The following TMOD1 variants were observed in gnomAD, a reference collection of about 807,000 sequenced individuals.
TMOD1 encodes tropomodulin 1, also known as tropomodulin-1.
TMOD1 carries 17 observed loss-of-function variants against 40.6 expected under a neutral mutation model. The observed-to-expected ratio is 0.42, with a 90% CI of 0.29 to 0.63. TMOD1 has a LOEUF of 0.63. Among genes scored for constraint, TMOD1 ranks in the 20% least tolerant of loss-of-function variants. The pLI, the probability that TMOD1 is intolerant of heterozygous loss-of-function variation, is 0.22. For missense variants in TMOD1, 391 were observed against 447.6 expected, an observed-to-expected ratio of 0.87 and a Z score of 1.14; for synonymous variants, 181 against 175.0, an observed-to-expected ratio of 1.03 and a Z score of -0.27.
intron 2 of TMOD1, among the ~76,000 whole-genome samples, chr9:97,534,783 G>C (rs987611087): frequency 8.5e-5 from 13 of 152,218 alleles, no homozygotes; most frequent in Non-Finnish European, 1.8e-4. Flanking sequence ...AGTAAGATGA[G>C]CATTATTCAA....
At chr9:97,572,136 C>T (rs893535252) in intron 8 of TMOD1, among the ~76,000 whole-genome samples, 3 of 152,036 alleles carry the variant, frequency 2.0e-5, no homozygotes, top group Non-Finnish European at 4.4e-5. Flanking sequence ...GAGATAAACC[C>T]GTAGATGCTG....
In TMOD1 at chr9:97,524,146, A is replaced by C; in HGVS notation, c.-43A>C. ...GGTTCTTGTCTTTCTGGTAGGTATT[A>C]CTCAGCACAGAAATTCAGGAGACAC... On this transcript the variant is annotated 5_prime_UTR_variant, in exon 2 of 10. Coordinates refer to ENST00000259365, the MANE Select transcript of TMOD1 (RefSeq NM_003275.4). 6.2e-7 allele frequency: 1 copy of C among 1,605,436 alleles called. No homozygotes were observed. The highest frequency in any genetic ancestry group is 8.5e-7 in the Non-Finnish European group (1 of 1,176,252).
chr9:97,546,125 ACTCTCTCTTT>A, intron 2 of TMOD1, 50 bp from the exon 3 acceptor site: 1 of 1,533,284 alleles, frequency 6.5e-7, no homozygotes, highest in Non-Finnish European at 8.7e-7. Flanking sequence ...GCAGCTGACC[ACTCTCTCTTT>A]CTCTCTCTCT....
At chr9:97,539,005 AAAAAC>A (rs372211723) in intron 2 of TMOD1, among the ~76,000 whole-genome samples, 3,329 of 152,044 alleles carry the variant, frequency 0.022, 52 homozygotes, top group South Asian at 0.035. Context: ...ACTCCATCTC[AAAAAC>A]AAAACAAAAC....
intron 7 of TMOD1, 105 bp downstream of exon 7, chr9:97,566,060 A>G (rs1295610959): frequency 3.1e-6 from 3 of 957,470 alleles, no homozygotes; most frequent in Non-Finnish European, 4.8e-6. Flanking sequence ...AAAGAGCTCT[A>G]TGTGGTACAG....
intron 9 of TMOD1, among the ~76,000 whole-genome samples, chr9:97,597,742 GCACA>G (rs139450043): frequency 6.7e-6 from 1 of 148,650 alleles, no homozygotes; most frequent in South Asian, 2.1e-4. Context: ...GGGGAACCAT[GCACA>G]CACACACACA....
intron 8 of TMOD1, among the ~76,000 whole-genome samples, chr9:97,583,822 G>T: frequency 1.4e-5 from 2 of 144,284 alleles, no homozygotes; most frequent in African/African-American, 2.6e-5. Flanking sequence ...ATGGTAGTTT[G>T]TATTTCTGTG....
intron 7 of TMOD1, among the ~76,000 whole-genome samples, chr9:97,566,408 C>T (rs994342977): frequency 6.6e-6 from 1 of 152,182 alleles, no homozygotes. Flanking sequence ...CAGTGGCTCA[C>T]ACCTGCAATT....
intron 4 of TMOD1, among the ~76,000 whole-genome samples, chr9:97,560,150 C>G (rs894602332): frequency 6.7e-6 from 1 of 148,222 alleles, no homozygotes; most frequent in African/African-American, 2.5e-5. Flanking sequence ...TTTAAAAAAT[C>G]ACCACCAAAT....
In TMOD1 at chr9:97,524,230, T is replaced by C. The variant is rs141935065; in HGVS notation, c.42T>C (p.Asp14=). 2.8e-5 allele frequency: 45 copies of C among 1,614,034 alleles called. No individual in the cohort carries two copies. The highest frequency in any genetic ancestry group is 3.6e-5 in the Non-Finnish European group (43 of 1,180,032). The change falls in exon 2 of 10, where the codon GAT becomes GAC. Residue 14 remains aspartate (D), a synonymous_variant. Coordinates refer to ENST00000259365, the MANE Select transcript of TMOD1 (RefSeq NM_003275.4). ...RRELEKYRDL[D]EDEILGALTE... is the part of the protein sequence containing the mutation. ...AACTAGAGAAATACCGTGACCTGGA[T>C]GAAGATGAAATCCTTGGAGCCCTAA...
At chr9:97,545,010 C>CAAAA (rs3052089) in intron 2 of TMOD1, among the ~76,000 whole-genome samples, 26 of 82,938 alleles carry the variant, frequency 3.1e-4, no homozygotes, top group East Asian at 9.6e-4. Context: ...GAGTCCATCT[C>CAAAA]AAAAAAAAAA....
chr9:97,601,561 C>A lies in TMOD1; in HGVS notation c.*1863C>A. On this transcript the variant is annotated 3_prime_UTR_variant, in exon 10 of 10. Coordinates refer to ENST00000259365, the MANE Select transcript of TMOD1 (RefSeq NM_003275.4). ...GCCACATCTTTAAGGCCACCTCTGCCTCTATCAGATGAGCTGCTGGTCTAG... is the reference window on the plus strand; with the variant it reads ...GCCACATCTTTAAGGCCACCTCTGCATCTATCAGATGAGCTGCTGGTCTAG... 1.0e-6 allele frequency: 1 copy of A among 988,378 alleles called. No individual in the cohort carries two copies. Among genetic ancestry groups the A allele is most frequent in the Non-Finnish European group, 1.2e-6 (1 of 831,884 alleles). The allele number at this position is 988,378 out of a possible 1,614,324, so 61.2% of individuals were successfully genotyped here. A position where few individuals can be genotyped will look rare whatever the true frequency, so the allele number is the denominator to read the frequency against.
At chr9:97,579,779 TCTG>T (rs1427365721) in intron 8 of TMOD1, among the ~76,000 whole-genome samples, 5 of 152,218 alleles carry the variant, frequency 3.3e-5, no homozygotes, top group Admixed American at 6.5e-5. Flanking sequence ...GCAGATGGAC[TCTG>T]CCAGGTGTAG....
At chr9:97,590,600 C>T (rs556239845) in intron 8 of TMOD1, among the ~76,000 whole-genome samples, 1 of 151,926 alleles carries the variant, frequency 6.6e-6, no homozygotes, top group East Asian at 1.9e-4. Context: ...CATATTCTTC[C>T]CAACATTGTT....
chr9:97,545,182 C>T (rs1050178037), intron 2 of TMOD1, among the ~76,000 whole-genome samples: 5 of 152,180 alleles, frequency 3.3e-5, no homozygotes, highest in African/African-American at 7.2e-5. Context: ...ATCCTCCTCT[C>T]GTAAATCTGA....
At chr9:97,523,073 T>C (rs906236703) in intron 1 of TMOD1, among the ~76,000 whole-genome samples, 1 of 152,000 alleles carries the variant, frequency 6.6e-6, no homozygotes, top group Non-Finnish European at 1.5e-5. Flanking sequence ...TTTTCACTAA[T>C]AAAAATGTTT....
At chr9:97,571,007 C>T (rs1830809835) in intron 8 of TMOD1, among the ~76,000 whole-genome samples, 1 of 152,356 alleles carries the variant, frequency 6.6e-6, no homozygotes, top group South Asian at 2.1e-4. Context: ...AGGCCCTCCC[C>T]ACCCCTACCC....
intron 4 of TMOD1, chr9:97,555,528 T>C: frequency 6.8e-7 from 1 of 1,466,288 alleles, no homozygotes; most frequent in Non-Finnish European, 9.0e-7. Context: ...TATTTATTGT[T>C]ATCTGTAACG....
chr9:97,542,527 G>A (rs1412938451), intron 2 of TMOD1, among the ~76,000 whole-genome samples: 1 of 152,068 alleles, frequency 6.6e-6, no homozygotes, highest in Non-Finnish European at 1.5e-5. Flanking sequence ...TTAATGCAGT[G>A]GCTCTCAATC....
Sources: gnomAD v4.1 joint callset for allele counts (sites outside exome capture counted in the v4.1 genomes callset) on GRCh38, gnomAD v4.1.1 for gene constraint, MANE v1.5 for transcripts, NCBI Gene and HGNC (gene_info 2026-07-23, HGNC 2026-07-21) for gene names.